Variants in MACF1 observed in about 807,000 individuals in gnomAD.
MACF1 encodes the protein microtubule actin crosslinking factor 1, also known as microtubule-actin cross-linking factor 1.
A neutral mutation model predicts 854.8 loss-of-function variants in MACF1; 193 were observed. The ratio of observed to expected loss-of-function variants is 0.23; its 90% CI spans 0.20 to 0.25. The LOEUF (loss-of-function observed/expected upper bound fraction) is 0.25, where lower values mean the gene tolerates loss of function less well. MACF1 is among the 10% of genes least tolerant of loss of function. The pLI, the probability that MACF1 is intolerant of heterozygous loss-of-function variation, is 1.00. For missense variants in MACF1, 7,722 were observed against 8,929.1 expected (o/e 0.86, Z 5.45); for synonymous variants, 3,185 against 3,226.7 (o/e 0.99, Z 0.44).
intron 61 of MACF1, among the ~76,000 whole-genome samples, chr1:39,425,492 A>G (rs1238269182): frequency 6.6e-6 from 1 of 152,222 alleles, no homozygotes; most frequent in Non-Finnish European, 1.5e-5. Context: ...CCGTGCTAAG[A>G]AGGTGCTTAA....
intron 79 of MACF1, among the ~76,000 whole-genome samples, chr1:39,443,978 A>C (rs1644171398): frequency 1.3e-5 from 2 of 152,200 alleles, no homozygotes; most frequent in Admixed American, 1.3e-4. Context: ...ATTTCTAGGC[A>C]AATTTTTCAT....
chr1:39,374,240 T>TA (rs901564874), intron 52 of MACF1, among the ~76,000 whole-genome samples: 4 of 151,664 alleles, frequency 2.6e-5, no homozygotes, highest in East Asian at 3.9e-4. Flanking sequence ...AGACTCTGTC[T>TA]AAAAAAAAAT....
chr1:39,289,206 T>C (rs1371933423), intron 15 of MACF1, among the ~76,000 whole-genome samples: 1 of 152,238 alleles, frequency 6.6e-6, no homozygotes, highest in African/African-American at 2.4e-5. Context: ...AATGTGGGAA[T>C]GCAGATCTCT....
At position 39,372,518 on chromosome 1, in the gene MACF1, G is replaced by A. The variant is rs1180830457; in HGVS notation, c.13135G>A (p.Glu4379Lys). Residue 4379 changes from glutamate to lysine, a missense_variant, in exon 52 of 101, where the codon GAA (glutamate) becomes AAA (lysine). This residue lies in a region of MACF1 where 2,807 missense variants were observed against 3,235.8 expected (regional missense o/e 0.87). Coordinates refer to ENST00000564288, the MANE Select transcript of MACF1 (RefSeq NM_001394062.1). ...CTGGGCAAGTAAGGGAACTCTGGTGGAAGAAATCAATTGCAAAGGTACTTC... is the reference window on the plus strand; with the variant it reads ...CTGGGCAAGTAAGGGAACTCTGGTGAAAGAAATCAATTGCAAAGGTACTTC... Reference protein sequence around the residue: ...DDWASKGTLVEEINCKGTSLE... With the variant: ...DDWASKGTLVKEINCKGTSLE... The A allele has an allele frequency of 6.2e-7, 1 of 1,613,702 alleles. No individual in the cohort carries two copies. Among genetic ancestry groups the A allele is most frequent in the Non-Finnish European group, 8.5e-7 (1 of 1,179,770 alleles).
At chr1:39,377,980 G>A (rs1455072626) in intron 52 of MACF1, among the ~76,000 whole-genome samples, 3 of 151,856 alleles carry the variant, frequency 2.0e-5, no homozygotes, top group Non-Finnish European at 2.9e-5. Flanking sequence ...CTTCAGTCTG[G>A]GCAACAGAGT....
chr1:39,178,524 T>G (rs1571140395), intron 2 of MACF1, among the ~76,000 whole-genome samples: 1 of 152,228 alleles, frequency 6.6e-6, no homozygotes, highest in South Asian at 2.1e-4. Context: ...GGGCACATAG[T>G]TGCTGGATTC....
At chr1:39,391,237 G>A (rs528555990) in intron 58 of MACF1, among the ~76,000 whole-genome samples, 26 of 152,034 alleles carry the variant, frequency 1.7e-4, no homozygotes, top group Non-Finnish European at 2.4e-4. Context: ...AATGAGTGCA[G>A]GTTAACATTA....
chr1:39,102,101 C>CCG (rs1557453614), intron 2 of MACF1, among the ~76,000 whole-genome samples: 2 of 151,062 alleles, frequency 1.3e-5, no homozygotes, highest in Non-Finnish European at 2.9e-5. Context: ...GCGTGAACCC[C>CCG]GGGGGGCGGA....
chr1:39,241,052 T>TTG (rs1644916739), intron 2 of MACF1, among the ~76,000 whole-genome samples: 1 of 136,420 alleles, frequency 7.3e-6, no homozygotes, highest in African/African-American at 3.1e-5. Context: ...TATAATCTGT[T>TTG]TTTTTTTTTT....
rs77219274 is a variant in MACF1 at position 39,405,246 on chromosome 1, A to G, written c.15816+16588A>G. Among the ~76,000 whole-genome samples, 590 of 152,358 alleles carry G rather than the reference A, an allele frequency of 3.9e-3. 1 individual carries two copies. The highest frequency in any genetic ancestry group is 0.014 in the Middle Eastern group (4 of 294). On this transcript the variant is annotated intron_variant, in intron 58 of 100. Coordinates refer to ENST00000564288, the MANE Select transcript of MACF1 (RefSeq NM_001394062.1). ...AATAATAAAAGTACCAAAGGATGGC[A>G]GTGACTGATGCCCAACAGGTACAGA...
intron 3 of MACF1, among the ~76,000 whole-genome samples, chr1:39,251,168 G>A (rs1420028984): frequency 2.0e-5 from 3 of 147,138 alleles, no homozygotes; most frequent in African/African-American, 2.4e-5. Context: ...TTTTGGTTTC[G>A]TATCTTTTTT....
At chr1:39,382,889 G>A (rs748003632) in intron 56 of MACF1, among the ~76,000 whole-genome samples, 11 of 152,070 alleles carry the variant, frequency 7.2e-5, no homozygotes, top group Non-Finnish European at 1.2e-4. Context: ...GGGAGGCTAA[G>A]GTGGGTGGAT....
chr1:39,212,435 G>A (rs976610094), intron 1 of MACF1, among the ~76,000 whole-genome samples: 50 of 152,078 alleles, frequency 3.3e-4, no homozygotes, highest in African/African-American at 9.9e-4. Flanking sequence ...CTGCAGTGCC[G>A]TTAGGAGAAA....
At chr1:39,300,796 G>A (rs1201737648) in intron 22 of MACF1, among the ~76,000 whole-genome samples, 1 of 152,196 alleles carries the variant, frequency 6.6e-6, no homozygotes, top group Non-Finnish European at 1.5e-5. Flanking sequence ...TGTAATCCCA[G>A]CACTTTAGGA....
chr1:39,434,778 A>G, intron 69 of MACF1, 146 bp downstream of exon 69: 1 of 653,872 alleles, frequency 1.5e-6, no homozygotes, highest in East Asian at 2.7e-5. Flanking sequence ...ATAATACATA[A>G]TCTGAATTAT....
intron 80 of MACF1, among the ~76,000 whole-genome samples, chr1:39,446,383 C>G (rs551304713): frequency 6.6e-4 from 100 of 151,430 alleles, no homozygotes; most frequent in Non-Finnish European, 1.2e-3. Flanking sequence ...CATCTAGGAA[C>G]TTGTAATATA....
chr1:39,171,657 G>C (rs577990025), intron 2 of MACF1, among the ~76,000 whole-genome samples: 2 of 152,018 alleles, frequency 1.3e-5, no homozygotes, highest in Non-Finnish European at 2.9e-5. Context: ...ACACAGTCTC[G>C]CTCTGTCGCC....
At chr1:39,260,737 C>CAACA (rs896973360) in intron 6 of MACF1, among the ~76,000 whole-genome samples, 1 of 151,982 alleles carries the variant, frequency 6.6e-6, no homozygotes, top group African/African-American at 2.4e-5. Flanking sequence ...ACAACAACAA[C>CAACA]AACAAACAAA....
At chr1:39,349,756 C>A in intron 42 of MACF1, 129 bp downstream of exon 42, 1 of 968,128 alleles carries the variant, frequency 1.0e-6, no homozygotes, top group Non-Finnish European at 1.5e-6. Context: ...CCTCAGCCTC[C>A]CCAGGAGCTG....
Sources: gnomAD v4.1 joint callset for allele counts (sites outside exome capture counted in the v4.1 genomes callset) on GRCh38, gnomAD v4.1.1 for gene constraint, gnomAD v4.1.1 regional missense constraint, MANE v1.5 for transcripts, NCBI Gene and HGNC (gene_info 2026-07-23, HGNC 2026-07-21) for gene names.